The following UACA variants were observed in gnomAD, a reference collection of about 807,000 sequenced individuals.
The protein encoded by UACA is nuclear membrane binding protein.
A neutral mutation model predicts 160.5 loss-of-function variants in UACA; 112 were observed. That is an observed-to-expected ratio of 0.70 (90% CI 0.60 to 0.82). UACA has a LOEUF of 0.82. Among genes scored for constraint, UACA ranks in the 40% least tolerant of loss-of-function variants. The pLI is 0.00. For missense variants in UACA, 1,574 were observed against 1,614.6 expected (o/e 0.97, Z 0.43); for synonymous variants, 557 against 568.4 (o/e 0.98, Z 0.29).
chr15:70,776,513 C>T, the UACA span, among the ~76,000 whole-genome samples: 15 of 151,548 alleles, frequency 9.9e-5, no homozygotes, highest in African/African-American at 2.7e-4. Context: ...CTGCAACCTC[C>T]GCCTCCCAGG....
chr15:70,718,558 G>C (rs191089083), intron 1 of UACA, among the ~76,000 whole-genome samples: 1 of 152,110 alleles, frequency 6.6e-6, no homozygotes, highest in South Asian at 2.1e-4. Context: ...TACGAGGCCT[G>C]TTCCTTCAGC....
At chr15:70,664,961 C>T (rs778573208) in intron 16 of UACA, 147 bp from the exon 17 acceptor site, 1 of 614,802 alleles carries the variant, frequency 1.6e-6, no homozygotes, top group Non-Finnish European at 2.7e-6. Context: ...AGACTGTTAC[C>T]AAGGATGTAT....
At chr15:70,773,528 A>G in the UACA span, among the ~76,000 whole-genome samples, 1 of 152,180 alleles carries the variant, frequency 6.6e-6, no homozygotes, top group Non-Finnish European at 1.5e-5. Context: ...CATCTGTAGG[A>G]GTTAAGTCTT....
At chr15:70,749,698 CAAAAA>C (rs11292883) in intron 1 of UACA, among the ~76,000 whole-genome samples, 11 of 70,044 alleles carry the variant, frequency 1.6e-4, no homozygotes, top group African/African-American at 5.8e-4. Context: ...GACTCCGTCT[CAAAAA>C]AAAAAAAAAA....
intron 1 of UACA, among the ~76,000 whole-genome samples, chr15:70,729,493 A>G (rs1423485772): frequency 6.6e-6 from 1 of 152,020 alleles, no homozygotes; most frequent in Non-Finnish European, 1.5e-5. Context: ...CTGAGTACAC[A>G]TGGACATAAA....
At chr15:70,703,589 T>C (rs1034600263) in intron 1 of UACA, among the ~76,000 whole-genome samples, 5 of 152,204 alleles carry the variant, frequency 3.3e-5, no homozygotes, top group African/African-American at 4.8e-5. Flanking sequence ...AACTCAGACC[T>C]TGTCCTTTGG....
chr15:70,713,825 T>C (rs945034987), intron 1 of UACA, among the ~76,000 whole-genome samples: 1 of 152,048 alleles, frequency 6.6e-6, no homozygotes, highest in African/African-American at 2.4e-5. Context: ...ATAATAGATA[T>C]CTTATATACC....
At chr15:70,719,114 G>A (rs1898914285) in intron 1 of UACA, among the ~76,000 whole-genome samples, 2 of 151,168 alleles carry the variant, frequency 1.3e-5, no homozygotes, top group Admixed American at 6.6e-5. Context: ...ATGAAGAGAA[G>A]GAGAAGGAGA....
chr15:70,707,725 C>G (rs1898561749), intron 1 of UACA, among the ~76,000 whole-genome samples: 1 of 151,796 alleles, frequency 6.6e-6, no homozygotes, highest in Non-Finnish European at 1.5e-5. Flanking sequence ...GAGATATAAC[C>G]TCACACTCAT....
intron 1 of UACA, among the ~76,000 whole-genome samples, chr15:70,724,044 T>C (rs12899069): frequency 0.23 from 34,767 of 152,170 alleles, 4,868 homozygotes; most frequent in Non-Finnish European, 0.31. Context: ...GCTGTAGCTT[T>C]ATATTTTAAG....
chr15:70,754,193 C>G (rs1362843566), intron 1 of UACA: 2 of 455,584 alleles, frequency 4.4e-6, no homozygotes, highest in Admixed American at 4.7e-5. Context: ...TGCGCTCTCT[C>G]AAGGATACCT....
At chr15:70,767,340 G>A (rs950109601), upstream of UACA, among the ~76,000 whole-genome samples, 1 of 151,726 alleles carries the variant, frequency 6.6e-6, no homozygotes, top group Non-Finnish European at 1.5e-5. Flanking sequence ...TGTAATTCCA[G>A]GACTTTGGGA....
At chr15:70,759,859 T>C (rs547667858) in intron 1 of UACA, among the ~76,000 whole-genome samples, 2 of 152,202 alleles carry the variant, frequency 1.3e-5, no homozygotes, top group Non-Finnish European at 2.9e-5. Context: ...TTTATAACAA[T>C]AGTACTATTC....
intron 1 of UACA, among the ~76,000 whole-genome samples, chr15:70,751,993 T>C (rs1171114386): frequency 1.3e-5 from 2 of 151,998 alleles, no homozygotes; most frequent in Non-Finnish European, 2.9e-5. Flanking sequence ...AGCCAGCACT[T>C]TGGGAGGCCG....
the UACA span, chr15:70,778,881 C>G: frequency 6.6e-6 from 1 of 152,238 alleles, no homozygotes; most frequent in African/African-American, 2.4e-5. Context: ...AACTGTTTCA[C>G]TTTTGTTCTT....
chr15:70,692,813 A>C (rs1897986844), intron 3 of UACA, among the ~76,000 whole-genome samples: 1 of 152,144 alleles, frequency 6.6e-6, no homozygotes. Context: ...TCACAAGTAG[A>C]CCTTTTTGCT....
intron 1 of UACA, among the ~76,000 whole-genome samples, chr15:70,755,938 T>G (rs2030398914): frequency 6.6e-6 from 1 of 152,136 alleles, no homozygotes; most frequent in Non-Finnish European, 1.5e-5. Flanking sequence ...GCTCACACTC[T>G]ACCTTTCAAC....
intron 1 of UACA, chr15:70,749,301 C>A (rs1024831593): frequency 6.1e-5 from 22 of 359,390 alleles, no homozygotes; most frequent in East Asian, 2.9e-4. Context: ...CCGAAGTGGG[C>A]GGATCACCAG....
chr15:70,776,266 A>G, the UACA span, among the ~76,000 whole-genome samples: 1 of 152,216 alleles, frequency 6.6e-6, no homozygotes, highest in Admixed American at 6.5e-5. Context: ...GAGAAAATTA[A>G]TTAATTTATT....
Sources: gnomAD v4.1 joint callset for allele counts (sites outside exome capture counted in the v4.1 genomes callset) on GRCh38, gnomAD v4.1.1 for gene constraint, MANE v1.5 for transcripts, NCBI Gene and HGNC (gene_info 2026-07-23, HGNC 2026-07-21) for gene names.